The following PSPC1 variants were observed in gnomAD, a reference collection of about 807,000 sequenced individuals.
PSPC1 encodes paraspeckle protein 1.
A neutral mutation model predicts 51.6 loss-of-function variants in PSPC1; 14 were observed. The observed-to-expected ratio is 0.27, with a 90% confidence interval of 0.18 to 0.42. The LOEUF is 0.42. Among genes scored for constraint, PSPC1 ranks in the 10% least tolerant of loss-of-function variants. PSPC1 has a pLI of 1.00. For synonymous variants in PSPC1, 193 were observed against 231.9 expected, an observed-to-expected ratio of 0.83 and a Z score of 1.53; for missense variants, 406 against 701.1, an observed-to-expected ratio of 0.58 and a Z score of 4.75.
At chr13:19,694,863 A>C (rs775800707) in intron 6 of PSPC1, among the ~76,000 whole-genome samples, 1 of 152,110 alleles carries the variant, frequency 6.6e-6, no homozygotes, top group Non-Finnish European at 1.5e-5. Context: ...TAAGATAGCT[A>C]TTTTCTAGGC....
chr13:19,743,694 T>C (rs1394976163), intron 4 of PSPC1, among the ~76,000 whole-genome samples: 1 of 152,158 alleles, frequency 6.6e-6, no homozygotes, highest in East Asian at 1.9e-4. Context: ...GCCCAGGTAG[T>C]TCTCATAATA....
intron 5 of PSPC1, chr13:19,737,052 C>T (rs1270826064): frequency 6.6e-6 from 1 of 152,072 alleles, no homozygotes; most frequent in Non-Finnish European, 1.5e-5. Flanking sequence ...CTAATCAGCA[C>T]GGGAGTTTTT....
chr13:19,671,978 G>A, downstream of PSPC1: 7 of 1,217,372 alleles, frequency 5.8e-6, no homozygotes, highest in Non-Finnish European at 8.4e-6. Flanking sequence ...AGTTTTGTCT[G>A]TAAACCTCTT....
intron 4 of PSPC1, among the ~76,000 whole-genome samples, chr13:19,743,732 T>C (rs1885667706): frequency 6.6e-6 from 1 of 152,202 alleles, no homozygotes; most frequent in African/African-American, 2.4e-5. Flanking sequence ...CTTGATTATC[T>C]GAAAAATGTT....
At chr13:19,722,322 C>G (rs1011072729) in intron 6 of PSPC1, among the ~76,000 whole-genome samples, 3 of 151,590 alleles carry the variant, frequency 2.0e-5, no homozygotes, top group African/African-American at 7.3e-5. Context: ...CACAGTGAGA[C>G]TCCAACTCTA....
rs189077466 is a variant in PSPC1, at chr13:19,740,523, C to T, written c.1052+1042G>A. Among the ~76,000 whole-genome samples, 49 of 152,208 alleles carry T rather than the reference C, an allele frequency of 3.2e-4. 1 individual carries two copies. The highest frequency in any genetic ancestry group is 1.1e-3 in the African/African-American group (46 of 41,534). ...CACTTTTTTCTTTACTTTTACTTCC[C>T]CATGAACACCTTATTTTCTTATCAC... On this transcript the variant is annotated intron_variant, in intron 5 of 8. Coordinates refer to ENST00000338910, the MANE Select transcript of PSPC1 (RefSeq NM_001354909.2).
At chr13:19,675,398 T>A (rs1876528960) in intron 7 of PSPC1, 1 of 152,180 alleles carries the variant, frequency 6.6e-6, no homozygotes, top group African/African-American at 2.4e-5. Context: ...GTGGGTAACA[T>A]CTTGATTTAA....
chr13:19,702,108 C>A (rs200849694), downstream of PSPC1, among the ~76,000 whole-genome samples: 1 of 80 alleles, frequency 0.013, no homozygotes, highest in Non-Finnish European at 0.024. Context: ...CCTTGGATGT[C>A]TCTCAGCATT....
chr13:19,711,090 C>T (rs1488674572), intron 6 of PSPC1, among the ~76,000 whole-genome samples: 1 of 152,180 alleles, frequency 6.6e-6, no homozygotes, highest in African/African-American at 2.4e-5. Flanking sequence ...ATCCTCCTGC[C>T]TCACGCTCGC....
In PSPC1 at chr13:19,687,514, C is replaced by T. The variant is rs9551979; in HGVS notation, c.1159-9691G>A. On this transcript the variant is annotated intron_variant and NMD_transcript_variant, in intron 6 of 7. Transcript: ENST00000471658. ...AATTCTCTAGCCAAGATCTTTTCCC[C>T]GAGCATCAGGATTTCCTGTGCTGAA... is the stretch of plus-strand genomic sequence containing the variant. 3.9e-5 allele frequency among the ~76,000 whole-genome samples: 6 copies of T among 152,304 alleles called. No homozygotes were observed. In the East Asian group the frequency reaches 7.7e-4, roughly 20 times the overall value.
At chr13:19,673,166 G>A (rs1231395526), downstream of PSPC1, 14 of 451,804 alleles carry the variant, frequency 3.1e-5, no homozygotes, top group South Asian at 1.4e-4. Context: ...ATGGGGCTTA[G>A]GTAACAGCCA....
chr13:19,682,330 T>C (rs1202810377), intron 6 of PSPC1, among the ~76,000 whole-genome samples: 1 of 152,186 alleles, frequency 6.6e-6, no homozygotes, highest in Non-Finnish European at 1.5e-5. Context: ...AAGCTATCTA[T>C]GTTTAAACTC....
At chr13:19,682,683 GA>G (rs1877405287) in intron 6 of PSPC1, among the ~76,000 whole-genome samples, 1 of 152,092 alleles carries the variant, frequency 6.6e-6, no homozygotes, top group African/African-American at 2.4e-5. Flanking sequence ...CGGAGGAACG[GA>G]AATCTTATAC....
intron 3 of PSPC1, among the ~76,000 whole-genome samples, chr13:19,751,779 C>T (rs536405856): frequency 3.9e-4 from 60 of 152,234 alleles, no homozygotes; most frequent in Non-Finnish European, 7.5e-4. Context: ...CTTTACAGGC[C>T]GGGCGCAGTG....
chr13:19,704,180 C>G (rs1269940529), intron 8 of PSPC1, among the ~76,000 whole-genome samples: 1 of 152,254 alleles, frequency 6.6e-6, no homozygotes, highest in Admixed American at 6.5e-5. Context: ...ATATGCCACA[C>G]AAAAACTTAA....
chr13:19,682,911 A>C (rs553324338), intron 6 of PSPC1, among the ~76,000 whole-genome samples: 1 of 151,934 alleles, frequency 6.6e-6, no homozygotes, highest in Non-Finnish European at 1.5e-5. Flanking sequence ...CTAAAAAAAA[A>C]AAATAAATTA....
At position 19,741,557 on chromosome 13, in the gene PSPC1, T is replaced by G; in HGVS notation, c.1052+8A>C. On this transcript the variant is annotated splice_region_variant and intron_variant, in intron 5 of 8. Transcript: ENST00000338910. ...CAATTCATGTTTCTTAAAATGATCT[T>G]CTTTTACCTTAGTTGTATTTGCTTC... 6.5e-7 allele frequency: 1 copy of G among 1,545,424 alleles called. No individual in the cohort carries two copies. The highest frequency in any genetic ancestry group is 1.2e-5 in the South Asian group (1 of 85,954).
At chr13:19,746,160 T>G (rs1352332676) in intron 4 of PSPC1, among the ~76,000 whole-genome samples, 1 of 151,680 alleles carries the variant, frequency 6.6e-6, no homozygotes, top group Non-Finnish European at 1.5e-5. Context: ...TCCTAGCACT[T>G]TGGGAGGCTG....
chr13:19,747,262 C>A (rs982292661), intron 4 of PSPC1, among the ~76,000 whole-genome samples: 1 of 152,096 alleles, frequency 6.6e-6, no homozygotes, highest in Non-Finnish European at 1.5e-5. Flanking sequence ...GAATATCATA[C>A]AACCATTAAA....
Sources: allele counts gnomAD v4.1 joint callset (sites outside exome capture counted in the v4.1 genomes callset), GRCh38; gene constraint gnomAD v4.1.1; transcripts MANE v1.5; gene names NCBI Gene and HGNC (gene_info 2026-07-23, HGNC 2026-07-21).